Variants in PTPN12 observed in about 807,000 individuals in gnomAD.
PTPN12 encodes protein tyrosine phosphatase non-receptor type 12.
In PTPN12, 29 loss-of-function variants were observed where a neutral mutation model predicts 97.6. The ratio of observed to expected loss-of-function variants is 0.30; its 90% confidence interval spans 0.22 to 0.41. The LOEUF (loss-of-function observed/expected upper bound fraction) is 0.41, where lower values mean the gene tolerates loss of function less well. Among genes scored for constraint, PTPN12 ranks in the 10% least tolerant of loss-of-function variants. The pLI is 1.00. For missense variants in PTPN12, 819 were observed against 926.0 expected, an observed-to-expected ratio of 0.88 and a Z score of 1.50; for synonymous variants, 327 against 300.4, an observed-to-expected ratio of 1.09 and a Z score of -0.91.
chr7:77,615,127 A>G (rs541109411), intron 11 of PTPN12, among the ~76,000 whole-genome samples: 25 of 152,170 alleles, frequency 1.6e-4, no homozygotes, highest in Non-Finnish European at 3.4e-4. Context: ...CTTGTGTGTA[A>G]AGGACACCGT....
Position 77,627,340 on chromosome 7 carries a change from A to G in PTPN12, c.1661A>G (p.Asn554Ser), listed in dbSNP as rs769120528. Residue 554 changes from asparagine (N) to serine (S), a missense_variant, in exon 13 of 18, where the codon AAT becomes AGT. Physicochemically the swap from Asn to Ser is conservative, Grantham distance 46 (BLOSUM62 1). This residue lies in a region of PTPN12 where 607 missense variants were observed against 577.3 expected (regional missense o/e 1.05). Coordinates refer to ENST00000248594, the MANE Select transcript of PTPN12 (RefSeq NM_002835.4). ...AIPIPDLSEG[N>S]SSDINYQTRK... ...CCCATACCTGATTTATCTGAAGGCA[A>G]TTCCTCAGATATCAACTATCAAACT... is the stretch of plus-strand genomic sequence containing the variant. 2.2e-5 allele frequency: 36 copies of G among 1,613,894 alleles called. No homozygotes were observed. The highest frequency in any genetic ancestry group is 3.3e-5 in the Admixed American group (2 of 59,986).
intron 5 of PTPN12, among the ~76,000 whole-genome samples, chr7:77,586,195 C>T (rs1162377099): frequency 2.0e-5 from 3 of 152,198 alleles, no homozygotes; most frequent in Non-Finnish European, 2.9e-5. Context: ...CTCAGGTGTT[C>T]TGCCCACCTC....
chr7:77,561,226 A>G (rs990769204), intron 1 of PTPN12, among the ~76,000 whole-genome samples: 3 of 152,098 alleles, frequency 2.0e-5, no homozygotes, highest in East Asian at 3.9e-4. Flanking sequence ...TGCCCAGCCT[A>G]TTTTGGTTTT....
intron 4 of PTPN12, 192 bp downstream of exon 4, chr7:77,583,842 TA>T: frequency 2.3e-6 from 1 of 437,850 alleles, no homozygotes; most frequent in Non-Finnish European, 4.1e-6. Context: ...CTAAATATTT[TA>T]AGAAGGTGTG....
At chr7:77,546,896 CAGG>C (rs1453900046) in intron 1 of PTPN12, among the ~76,000 whole-genome samples, 1 of 152,100 alleles carries the variant, frequency 6.6e-6, no homozygotes, top group African/African-American at 2.4e-5. Context: ...AACTCACTAT[CAGG>C]AGAATAGCAT....
rs1489453603 is a variant in PTPN12 at position 77,606,279 on chromosome 7, A to G, written c.696-956A>G. 5.3e-5 allele frequency among the ~76,000 whole-genome samples: 8 copies of G among 151,618 alleles called. No individual in the cohort carries two copies. The East Asian group carries it at 1.6e-3, about 30-fold the overall frequency. ...ACAAGAGCCATCTTGAACATAGAAT[A>G]AATGTCTCTGTAAGACGTTGTTAGC... On this transcript the variant is annotated intron_variant, in intron 8 of 17. Transcript: ENST00000248594.
chr7:77,619,454 A>G (rs186914670), intron 12 of PTPN12, among the ~76,000 whole-genome samples: 14 of 152,270 alleles, frequency 9.2e-5, no homozygotes, highest in African/African-American at 3.1e-4. Context: ...TCAGTAACTG[A>G]AGGTTTGGTT....
chr7:77,543,110 A>G (rs1412174467), intron 1 of PTPN12, among the ~76,000 whole-genome samples: 1 of 152,214 alleles, frequency 6.6e-6, no homozygotes, highest in Non-Finnish European at 1.5e-5. Flanking sequence ...TTATTACCAG[A>G]GTCAAATAAT....
chr7:77,544,900 A>G (rs1807142625), intron 1 of PTPN12, among the ~76,000 whole-genome samples: 1 of 152,246 alleles, frequency 6.6e-6, no homozygotes, highest in Non-Finnish European at 1.5e-5. Context: ...TTTGTCTTCT[A>G]GACGATCATG....
intron 11 of PTPN12, among the ~76,000 whole-genome samples, chr7:77,615,247 A>T (rs747878641): frequency 6.6e-6 from 1 of 152,188 alleles, no homozygotes; most frequent in African/African-American, 2.4e-5. Context: ...TTTAGATGTG[A>T]TAATGAATTC....
At chr7:77,624,128 G>A (rs1020841388) in intron 12 of PTPN12, among the ~76,000 whole-genome samples, 11 of 152,112 alleles carry the variant, frequency 7.2e-5, no homozygotes, top group African/African-American at 2.2e-4. Context: ...TTAGCCAGGT[G>A]TGGTAGTGCA....
chr7:77,620,150 A>G (rs908085621), intron 12 of PTPN12, among the ~76,000 whole-genome samples: 4 of 152,206 alleles, frequency 2.6e-5, no homozygotes, highest in Admixed American at 6.5e-5. Context: ...GAGGTTTTCA[A>G]AGTCTACACT....
At chr7:77,598,983 CTA>C (rs1316284521) in intron 7 of PTPN12, among the ~76,000 whole-genome samples, 1 of 150,902 alleles carries the variant, frequency 6.6e-6, no homozygotes, top group East Asian at 1.9e-4. Context: ...AAATAGTATA[CTA>C]TGTTATTTAA....
intron 1 of PTPN12, among the ~76,000 whole-genome samples, chr7:77,543,826 A>G (rs1562701554): frequency 6.6e-6 from 1 of 152,208 alleles, no homozygotes; most frequent in Non-Finnish European, 1.5e-5. Context: ...CATCCATGTT[A>G]TAGTATTGAT....
At chr7:77,567,705 G>T (rs1286442426) in intron 1 of PTPN12, among the ~76,000 whole-genome samples, 1 of 152,164 alleles carries the variant, frequency 6.6e-6, no homozygotes, top group Non-Finnish European at 1.5e-5. Context: ...CAGATAAATT[G>T]ACCTGGAATA....
In PTPN12 at chr7:77,537,605, C is replaced by G; in HGVS notation, c.59C>G (p.Pro20Arg). Residue 20 changes from proline to arginine, a missense_variant, in exon 1 of 18, where the codon CCT (proline) becomes CGT (arginine). By Grantham distance (103) the Pro-to-Arg change is moderately radical. Transcript: ENST00000248594. ...FIQRVQAMKS[P>R]DHNGEDNFAR... Reference sequence around the variant, plus strand: ...CAGAGGGTCCAGGCCATGAAGAGTCCTGACCACAATGGGGAGGACAACTTC... The same window carrying G: ...CAGAGGGTCCAGGCCATGAAGAGTCGTGACCACAATGGGGAGGACAACTTC... 3.1e-6 allele frequency: 5 copies of G among 1,605,804 alleles called. No individual in the cohort carries two copies. Among genetic ancestry groups the G allele is most frequent in the Non-Finnish European group, 8.5e-7 (1 of 1,176,898 alleles).
chr7:77,618,339 A>T, intron 11 of PTPN12, 141 bp from the exon 12 acceptor site: 1 of 545,242 alleles, frequency 1.8e-6, no homozygotes, highest in Non-Finnish European at 3.2e-6. Flanking sequence ...ATATAGAGCC[A>T]GAATATAAGA....
chr7:77,600,045 G>A (rs1044070462), intron 7 of PTPN12, among the ~76,000 whole-genome samples: 5 of 152,188 alleles, frequency 3.3e-5, no homozygotes, highest in Non-Finnish European at 7.3e-5. Flanking sequence ...TAACATTTTA[G>A]TATTATTCTG....
At chr7:77,568,445 C>A (rs531860910) in intron 1 of PTPN12, among the ~76,000 whole-genome samples, 1 of 151,994 alleles carries the variant, frequency 6.6e-6, no homozygotes, top group Non-Finnish European at 1.5e-5. Context: ...GACCAGCCTC[C>A]GCAACATACA....
Sources: gnomAD v4.1 joint callset for allele counts (sites outside exome capture counted in the v4.1 genomes callset) on GRCh38, gnomAD v4.1.1 for gene constraint, gnomAD v4.1.1 regional missense constraint, MANE v1.5 for transcripts, NCBI Gene and HGNC (gene_info 2026-07-23, HGNC 2026-07-21) for gene names.